Variants in ADAMTS18 observed in about 807,000 individuals in gnomAD.
ADAMTS18 encodes the protein A disintegrin and metalloproteinase with thrombospondin motifs 18.
ADAMTS18 carries 157 observed loss-of-function variants against 165.9 expected under a neutral mutation model. That is an observed-to-expected ratio of 0.95 (90% CI 0.83 to 1.08). ADAMTS18 has a LOEUF of 1.08. ADAMTS18 is among the 50% of genes least tolerant of loss of function. ADAMTS18 has a pLI of 0.00. For synonymous variants in ADAMTS18, 782 were observed against 578.2 expected, an observed-to-expected ratio of 1.35 and a Z score of -5.06; for missense variants, 2,040 against 1,534.0, an observed-to-expected ratio of 1.33 and a Z score of -5.51.
chr16:77,345,076 C>A (rs972289791), intron 10 of ADAMTS18, among the ~76,000 whole-genome samples: 1 of 152,012 alleles, frequency 6.6e-6, no homozygotes, highest in East Asian at 1.9e-4. Flanking sequence ...TTTTTTTAAA[C>A]TAGGCAACAT....
chr16:77,294,148 C>T (rs1297976233), intron 19 of ADAMTS18, among the ~76,000 whole-genome samples: 2 of 152,058 alleles, frequency 1.3e-5, no homozygotes, highest in Non-Finnish European at 2.9e-5. Context: ...TTTTTTCATT[C>T]TTCCCCATAA....
chr16:77,363,822 T>C lies in ADAMTS18; in HGVS notation c.1036A>G (p.Ile346Val). Residue 346 changes from isoleucine to valine, a missense_variant, in exon 6 of 23, where the codon ATT becomes GTT. Coordinates refer to ENST00000282849, the MANE Select transcript of ADAMTS18 (RefSeq NM_199355.4). ...SDINVVVVSL[I>V]LLEQEPGGLL... ...CTTACAGGTTCTTGTTCCAGAAGAATTAGGCTCACCACAACCACGTTTATG... is the reference window on the plus strand; with the variant it reads ...CTTACAGGTTCTTGTTCCAGAAGAACTAGGCTCACCACAACCACGTTTATG... 1 of 1,613,978 alleles carries C rather than the reference T, an allele frequency of 6.2e-7. No homozygotes were observed. The highest frequency in any genetic ancestry group is 8.5e-7 in the Non-Finnish European group (1 of 1,179,948).
rs1210170634 is a variant in ADAMTS18 at position 77,431,423 on chromosome 16, T to C, written c.367A>G (p.Ile123Val). 2 of 1,614,166 alleles carry C rather than the reference T, an allele frequency of 1.2e-6. No homozygotes were observed. Among genetic ancestry groups the C allele is most frequent in the South Asian group, 2.2e-5 (2 of 91,084 alleles). The change falls in exon 3 of 23, where the codon ATT becomes GTT. Residue 123 changes from isoleucine to valine, a missense_variant. Transcript: ENST00000282849. ...CCATCTTTTCCAAGTACCTGGACAA[T>C]AAAGTGACTGCTCAAAATCGCCGAG... ...KPSAILSSHF[I>V]VQVLGKDGAS... is the part of the protein sequence containing the mutation.
At chr16:77,292,407 C>G (rs2055381046) in intron 20 of ADAMTS18, among the ~76,000 whole-genome samples, 1 of 152,144 alleles carries the variant, frequency 6.6e-6, no homozygotes, top group African/African-American at 2.4e-5. Context: ...AATGTGCAGT[C>G]CCCTGTCATC....
chr16:77,322,183 T>C (rs1004291655), intron 14 of ADAMTS18, among the ~76,000 whole-genome samples, 153 bp downstream of exon 14: 2 of 144,460 alleles, frequency 1.4e-5, no homozygotes, highest in East Asian at 2.0e-4. Flanking sequence ...AAAAAAGATA[T>C]GGTGCTCGAA....
chr16:77,378,541 C>A (rs140555996), intron 3 of ADAMTS18, among the ~76,000 whole-genome samples: 28 of 151,862 alleles, frequency 1.8e-4, no homozygotes, highest in African/African-American at 6.8e-4. Context: ...ATGGCGAAAC[C>A]CTGACTCCAC....
chr16:77,431,257 C>A, intron 3 of ADAMTS18, 38 bp downstream of exon 3: 4 of 1,611,162 alleles, frequency 2.5e-6, no homozygotes, highest in Non-Finnish European at 2.5e-6. Flanking sequence ...ACACAAAACA[C>A]GAAAGAGGGA....
chr16:77,363,077 A>C (rs1424295336), intron 6 of ADAMTS18, among the ~76,000 whole-genome samples: 1 of 152,044 alleles, frequency 6.6e-6, no homozygotes, highest in Non-Finnish European at 1.5e-5. Context: ...GCGTTACAGA[A>C]GAAGAGGAAA....
rs2056084606 is a variant in ADAMTS18, at chr16:77,325,826, C to CA, written c.2032+39dup. Reference sequence around the variant, plus strand: ...TGTATTGGTCAATCACATTATTATCCACATAGAGACTTATTTGAATGTCAT... The same window carrying CA: ...TGTATTGGTCAATCACATTATTATCCAACATAGAGACTTATTTGAATGTCAT... On this transcript the variant is annotated intron_variant, in intron 13 of 22. Transcript: ENST00000282849. 5 of 1,573,084 alleles carry CA rather than the reference C, an allele frequency of 3.2e-6. No homozygotes were observed. The South Asian group carries it at 5.6e-5, about 18-fold the overall frequency.
chr16:77,371,011 T>A (rs1288470208), intron 3 of ADAMTS18, among the ~76,000 whole-genome samples: 1 of 152,102 alleles, frequency 6.6e-6, no homozygotes, highest in Non-Finnish European at 1.5e-5. Context: ...ACTTTGGGAT[T>A]TGAGATCAGC....
At chr16:77,384,352 A>G (rs2057075749) in intron 3 of ADAMTS18, among the ~76,000 whole-genome samples, 2 of 152,186 alleles carry the variant, frequency 1.3e-5, no homozygotes, top group African/African-American at 2.4e-5. Context: ...TATCAAGGAA[A>G]CAATTATTTC....
Position 77,431,573 on chromosome 16 carries a change from C to T in ADAMTS18, c.217G>A (p.Gly73Arg), listed in dbSNP as rs764085566. ...FVTPVEVDSAGSYISHDILHN... is the reference protein window; with the variant it reads ...FVTPVEVDSARSYISHDILHN... ...AAAATGTCGTGTGAAATATATGACC[C>T]GGCTGAGTCTACTTCTACTGGCGTG... is the stretch of plus-strand genomic sequence containing the variant. The change falls in exon 3 of 23, where the codon GGG becomes AGG. Residue 73 changes from glycine (G) to arginine (R), a missense_variant. By Grantham distance (125) the Gly-to-Arg change is moderately radical. Coordinates refer to ENST00000282849, the MANE Select transcript of ADAMTS18 (RefSeq NM_199355.4). 1.2e-5 allele frequency: 20 copies of T among 1,614,010 alleles called. No homozygotes were observed. Among genetic ancestry groups the T allele is most frequent in the Admixed American group, 1.0e-4 (6 of 60,000 alleles).
At chr16:77,311,253 T>C (rs2055774578) in intron 16 of ADAMTS18, among the ~76,000 whole-genome samples, 1 of 152,216 alleles carries the variant, frequency 6.6e-6, no homozygotes, top group African/African-American at 2.4e-5. Flanking sequence ...CATAGATTTA[T>C]TCTTTCTGTG....
chr16:77,395,444 C>G (rs1357832462), intron 3 of ADAMTS18, among the ~76,000 whole-genome samples: 2 of 152,234 alleles, frequency 1.3e-5, no homozygotes, highest in East Asian at 3.9e-4. Flanking sequence ...AAGTCATTCC[C>G]TCCACTGGGG....
intron 12 of ADAMTS18, among the ~76,000 whole-genome samples, chr16:77,333,869 T>C (rs1168631630): frequency 8.6e-6 from 1 of 116,366 alleles, no homozygotes; most frequent in Non-Finnish European, 1.8e-5. Context: ...TATACTATAT[T>C]ATATATAGTA....
intron 16 of ADAMTS18, among the ~76,000 whole-genome samples, chr16:77,306,707 A>G (rs958755535): frequency 6.6e-6 from 1 of 152,218 alleles, no homozygotes; most frequent in African/African-American, 2.4e-5. Flanking sequence ...AACAATGCCT[A>G]TTGAGTGCTT....
rs186035765 is a variant in ADAMTS18 at position 77,389,672 on chromosome 16, G to C, written c.496-21949C>G. 2.2e-3 allele frequency among the ~76,000 whole-genome samples: 342 copies of C among 152,256 alleles called. 2 individuals are homozygous for C. The highest frequency in any genetic ancestry group is 3.7e-3 in the Non-Finnish European group (252 of 68,030). Reference sequence around the variant, plus strand: ...AAGGCACCTGATAAATTCTTCGAAAGGTCTCTTAGAAGAGGTGAATCTTTG... The same window carrying C: ...AAGGCACCTGATAAATTCTTCGAAACGTCTCTTAGAAGAGGTGAATCTTTG... On this transcript the variant is annotated intron_variant, in intron 3 of 22. Coordinates refer to ENST00000282849, the MANE Select transcript of ADAMTS18 (RefSeq NM_199355.4).
intron 12 of ADAMTS18, among the ~76,000 whole-genome samples, chr16:77,332,674 TG>T (rs1221932373): frequency 1.3e-5 from 2 of 152,166 alleles, no homozygotes; most frequent in Non-Finnish European, 2.9e-5. Context: ...ACATGTTTCA[TG>T]TGGGAGTTAG....
chr16:77,318,461 G>A (rs1367065446), intron 16 of ADAMTS18, among the ~76,000 whole-genome samples: 2 of 152,094 alleles, frequency 1.3e-5, no homozygotes, highest in African/African-American at 4.8e-5. Context: ...TTTAAGGCTC[G>A]GTTTTCTCAT....
Sources: gnomAD v4.1 joint callset for allele counts (sites outside exome capture counted in the v4.1 genomes callset) on GRCh38, gnomAD v4.1.1 for gene constraint, MANE v1.5 for transcripts, NCBI Gene and HGNC (gene_info 2026-07-23, HGNC 2026-07-21) for gene names.